DIAPH2: variants seen among roughly 807,000 people sequenced by gnomAD.
DIAPH2 encodes diaphanous related formin 2.
DIAPH2 carries 35 observed loss-of-function variants against 92.7 expected under a neutral mutation model. The ratio of observed to expected loss-of-function variants is 0.38; its 90% CI spans 0.29 to 0.50. The LOEUF (loss-of-function observed/expected upper bound fraction) is 0.50. DIAPH2 is among the 20% of genes least tolerant of loss of function. The pLI, the probability that DIAPH2 is intolerant of heterozygous loss-of-function variation, is 0.94. For missense variants in DIAPH2, 701 were observed against 819.5 expected, an observed-to-expected ratio of 0.86 and a Z score of 1.77; for synonymous variants, 301 against 280.4, an observed-to-expected ratio of 1.07 and a Z score of -0.73.
chrX:97,599,362 T>G lies in DIAPH2; in HGVS notation c.*45T>G, dbSNP rs1296793548. 5.3e-6 allele frequency: 5 copies of G among 943,900 alleles called. No homozygotes were observed. In the African/African-American group the frequency reaches 9.7e-5, roughly 18 times the overall value. The allele number at this position is 943,900 out of a possible 1,213,427, so 77.8% of individuals were successfully genotyped here. A position where few individuals can be genotyped will look rare whatever the true frequency, so the allele number is the denominator to read the frequency against. ...TGAAAATATTTAAGTAAAAACAAAA[T>G]GATGCATTTTGAGAAGAACAAAGTG... On this transcript the variant is annotated 3_prime_UTR_variant, in exon 27 of 27. Coordinates refer to ENST00000324765, the MANE Select transcript of DIAPH2 (RefSeq NM_006729.5).
At chrX:96,742,281 A>T (rs1334504529) in intron 3 of DIAPH2, among the ~76,000 whole-genome samples, 1 of 111,361 alleles carries the variant, frequency 9.0e-6, no homozygotes, top group East Asian at 2.8e-4. Flanking sequence ...TTTCTTACCC[A>T]CCTCCACTGA....
At position 97,445,447 on chromosome X, in the gene DIAPH2, G is replaced by A. The variant is rs192767623; in HGVS notation, c.3241+15702G>A. ...TTTTTCTTTTTTGAGAAGGAGTCTC[G>A]CTCTGTTGCCCAGGCAACAGAGTGC... On this transcript the variant is annotated intron_variant, in intron 26 of 26. Coordinates refer to ENST00000324765, the MANE Select transcript of DIAPH2 (RefSeq NM_006729.5). 4.1e-4 allele frequency among the ~76,000 whole-genome samples: 44 copies of A among 107,829 alleles called. No homozygotes were observed. The East Asian group carries it at 6.9e-3, about 17-fold the overall frequency. The allele number at this position is 107,829 out of a possible 115,157, so 93.6% of individuals were successfully genotyped here. A position where few individuals can be genotyped will look rare whatever the true frequency, so the allele number is the denominator to read the frequency against.
rs1451504058 is a variant in DIAPH2 at position 96,997,399 on chromosome X, T to C, written c.2050+32192T>C. 1.8e-4 allele frequency among the ~76,000 whole-genome samples: 20 copies of C among 111,472 alleles called. 1 individual carries two copies. The highest frequency in any genetic ancestry group is 5.7e-5 in the Non-Finnish European group (3 of 53,028). ...AATTTTTTTGCCTCAGTGTGTAAGA[T>C]AAGCTTGGATGGTATGTACAGCATC... On this transcript the variant is annotated intron_variant, in intron 17 of 26. Coordinates refer to ENST00000324765, the MANE Select transcript of DIAPH2 (RefSeq NM_006729.5).
At chrX:97,214,183 C>T (rs751696695) in intron 22 of DIAPH2, among the ~76,000 whole-genome samples, 20 of 112,406 alleles carry the variant, frequency 1.8e-4, no homozygotes, top group Non-Finnish European at 3.0e-4. Flanking sequence ...TTCCATAGAT[C>T]AAACTTATAT....
At chrX:97,578,606 T>C (rs2147878065) in intron 26 of DIAPH2, among the ~76,000 whole-genome samples, 1 of 85,184 alleles carries the variant, frequency 1.2e-5, no homozygotes, top group Non-Finnish European at 2.3e-5. Context: ...GTCTTTGCTA[T>C]TGTGAATAAT....
intron 9 of DIAPH2, among the ~76,000 whole-genome samples, chrX:96,926,892 G>A (rs143549801): frequency 0.032 from 3,538 of 110,949 alleles, 158 homozygotes; most frequent in African/African-American, 0.11. Flanking sequence ...TTAAAATTTT[G>A]ATCCTCATGG....
chrX:96,982,567 G>A (rs1033579116), intron 17 of DIAPH2, among the ~76,000 whole-genome samples: 10 of 111,822 alleles, frequency 8.9e-5, no homozygotes, highest in Non-Finnish European at 1.7e-4. Flanking sequence ...AAGAGAAGCT[G>A]GTGTGATTAG....
intron 17 of DIAPH2, among the ~76,000 whole-genome samples, chrX:97,064,787 G>A (rs1018078827): frequency 1.8e-5 from 2 of 109,381 alleles, no homozygotes; most frequent in Non-Finnish European, 3.8e-5. Context: ...GCATCTCCAC[G>A]GAAGTTTTTT....
chrX:97,521,456 G>A (rs2070990594), intron 26 of DIAPH2, among the ~76,000 whole-genome samples: 1 of 111,687 alleles, frequency 9.0e-6, no homozygotes, highest in Non-Finnish European at 1.9e-5. Context: ...TCTGGGACAG[G>A]AAGATTTTCA....
At chrX:97,187,487 A>T (rs2067617434) in intron 22 of DIAPH2, among the ~76,000 whole-genome samples, 1 of 107,604 alleles carries the variant, frequency 9.3e-6, no homozygotes, top group African/African-American at 3.4e-5. Flanking sequence ...TGTTTGTCAG[A>T]CTGGTCTTGA....
At chrX:97,336,529 G>A (rs749063066) in intron 23 of DIAPH2, among the ~76,000 whole-genome samples, 22 of 110,000 alleles carry the variant, frequency 2.0e-4, no homozygotes, top group Non-Finnish European at 4.0e-4. Flanking sequence ...TATTACAGTT[G>A]TGAGCCACAG....
At chrX:96,858,644 C>G (rs1203878689) in intron 4 of DIAPH2, among the ~76,000 whole-genome samples, 1 of 111,802 alleles carries the variant, frequency 8.9e-6, no homozygotes, top group Admixed American at 9.5e-5. Flanking sequence ...GTTCCTGGCC[C>G]AGCAAGGGAC....
At chrX:97,347,038 TAC>T in intron 23 of DIAPH2, among the ~76,000 whole-genome samples, 1 of 108,494 alleles carries the variant, frequency 9.2e-6, no homozygotes, top group African/African-American at 3.4e-5. Flanking sequence ...CATATATGTA[TAC>T]ACACACACAT....
intron 1 of DIAPH2, among the ~76,000 whole-genome samples, chrX:96,718,614 A>G (rs1372653149): frequency 3.6e-5 from 4 of 110,261 alleles, no homozygotes. Flanking sequence ...TCAGCCTCCC[A>G]AAATGCTGGG....
chrX:97,375,483 A>T (rs759473327), intron 24 of DIAPH2, among the ~76,000 whole-genome samples: 1 of 111,895 alleles, frequency 8.9e-6, no homozygotes, highest in South Asian at 3.8e-4. Context: ...AACAAACAAA[A>T]AAAACTGTCA....
chrX:96,782,134 A>G (rs1169990051), intron 4 of DIAPH2, among the ~76,000 whole-genome samples: 2 of 111,689 alleles, frequency 1.8e-5, no homozygotes, highest in Non-Finnish European at 3.8e-5. Flanking sequence ...ATGTCTCACT[A>G]TGTCACTCAG....
chrX:97,515,216 A>G (rs1182721579), intron 26 of DIAPH2, among the ~76,000 whole-genome samples: 2 of 112,170 alleles, frequency 1.8e-5, no homozygotes, highest in Non-Finnish European at 3.8e-5. Flanking sequence ...CTCGTGGTGC[A>G]CCGTTTTTTA....
At chrX:97,560,638 A>AC (rs1255940532) in intron 26 of DIAPH2, among the ~76,000 whole-genome samples, 1 of 111,193 alleles carries the variant, frequency 9.0e-6, no homozygotes, top group Admixed American at 9.5e-5. Flanking sequence ...GATTACAGGC[A>AC]CCCGCTACCA....
intron 19 of DIAPH2, among the ~76,000 whole-genome samples, chrX:97,078,165 A>G (rs1411021605): frequency 1.5e-4 from 17 of 112,086 alleles, no homozygotes; most frequent in Non-Finnish European, 1.9e-5. Context: ...AGGGAAAAAT[A>G]AAAGTATGTT....
Sources: gnomAD v4.1 joint callset for allele counts (sites outside exome capture counted in the v4.1 genomes callset) on GRCh38, gnomAD v4.1.1 for gene constraint, MANE v1.5 for transcripts, NCBI Gene and HGNC (gene_info 2026-07-23, HGNC 2026-07-21) for gene names.